TNFSF18: variants seen among roughly 807,000 people sequenced by gnomAD.
TNFSF18 encodes tumor necrosis factor ligand superfamily member 18.
In TNFSF18, 6 loss-of-function variants were observed where a neutral mutation model predicts 9.6. The observed-to-expected ratio is 0.63, with a 90% CI of 0.34 to 1.24. The LOEUF (loss-of-function observed/expected upper bound fraction) is 1.24, where lower values mean the gene tolerates loss of function less well. Ranked by LOEUF, TNFSF18 falls within the 50% of genes most tolerant of loss-of-function variation. TNFSF18 has a pLI of 0.03. For synonymous variants in TNFSF18, 68 were observed against 71.7 expected, an observed-to-expected ratio of 0.95 and a Z score of 0.26; for missense variants, 210 against 201.0, an observed-to-expected ratio of 1.04 and a Z score of -0.27.
At chr1:173,047,312 T>C (rs1190556744) in intron 1 of TNFSF18, among the ~76,000 whole-genome samples, 2 of 152,210 alleles carry the variant, frequency 1.3e-5, no homozygotes, top group East Asian at 1.9e-4. Context: ...TTTCCTCATC[T>C]ATAAAATGGG....
In TNFSF18 at chr1:173,050,767, G is replaced by A; in HGVS notation, c.130C>T (p.Leu44=). ...MLLFLCSFSW[L]IFIFLQLETA... ...TCTAATTGGAGAAAAATAAAGATTA[G>A]CCAACTGAAGGAGCAAAGAAATAGC... The change falls in exon 1 of 3, where the codon CTA becomes TTA. Residue 44 remains leucine, a synonymous_variant. Transcript: ENST00000404377. 6.2e-7 allele frequency: 1 copy of A among 1,610,066 alleles called. No individual in the cohort carries two copies. The highest frequency in any genetic ancestry group is 2.2e-5 in the East Asian group (1 of 44,790).
Position 173,040,673 on chromosome 1 carries a change from C to A in TNFSF18, c.*694G>T, listed in dbSNP as rs969826693. On this transcript the variant is annotated 3_prime_UTR_variant, in exon 3 of 3. Coordinates refer to ENST00000404377, the MANE Select transcript of TNFSF18 (RefSeq NM_005092.4). ...TTCTTTACAATTAGCAATGTTTAGA[C>A]ACACACACCAACAGTAAGGTCTCAC... is the stretch of plus-strand genomic sequence containing the variant. The A allele has an allele frequency of 2.0e-5, 3 of 152,240 alleles. No individual in the cohort carries two copies. Among genetic ancestry groups the A allele is most frequent in the Non-Finnish European group, 4.4e-5 (3 of 68,004 alleles). 9.4% of individuals were successfully genotyped at this position (152,240 alleles called of 1,614,324 possible). A position where few individuals can be genotyped will look rare whatever the true frequency, so the allele number is the denominator to read the frequency against.
chr1:173,041,939 G>A (rs1312390020), intron 2 of TNFSF18, among the ~76,000 whole-genome samples: 2 of 152,030 alleles, frequency 1.3e-5, no homozygotes, highest in African/African-American at 4.8e-5. Context: ...AGAATTCTAA[G>A]GAAAAGAATT....
chr1:173,041,737 A>G (rs749523672), intron 2 of TNFSF18, 24 bp from the exon 3 acceptor site: 1 of 1,526,188 alleles, frequency 6.6e-7, no homozygotes, highest in East Asian at 2.3e-5. Flanking sequence ...ACAAGGATAA[A>G]AAAGATGAAA....
intron 2 of TNFSF18, among the ~76,000 whole-genome samples, chr1:173,042,869 A>C (rs1402806251): frequency 6.6e-6 from 1 of 152,150 alleles, no homozygotes; most frequent in Non-Finnish European, 1.5e-5. Context: ...TGAATGACTA[A>C]TATAAGACTC....
rs1318940398 is a variant in TNFSF18 at position 173,039,323 on chromosome 1, C to T, written c.*2044G>A. On this transcript the variant is annotated 3_prime_UTR_variant, in exon 3 of 3. Coordinates refer to ENST00000404377, the MANE Select transcript of TNFSF18 (RefSeq NM_005092.4). ...AACATCAGGAAAATGTAAAGGTCAC[C>T]TGTTGGTAGTCATCCCTCTAGCTGC... Among the ~76,000 whole-genome samples, 3 of 152,170 alleles carry T rather than the reference C, an allele frequency of 2.0e-5. No homozygotes were observed. Among genetic ancestry groups the T allele is most frequent in the South Asian group, 4.1e-4 (2 of 4,838 alleles).
chr1:173,046,316 A>C lies in TNFSF18; in HGVS notation c.157-2347T>G, dbSNP rs539368711. Among the ~76,000 whole-genome samples the C allele has an allele frequency of 3.3e-5, 5 of 152,210 alleles. No individual in the cohort carries two copies. In the East Asian group the frequency reaches 9.7e-4, roughly 30 times the overall value. On this transcript the variant is annotated intron_variant, in intron 1 of 2. Transcript: ENST00000404377. ...GTTAAAGCTATAGATCTTGGAATTT[A>C]GTTGTGGAAGGAAGGAAAGAGAGGC... is the stretch of plus-strand genomic sequence containing the variant.
At chr1:173,048,928 TATC>T (rs1416767692) in intron 1 of TNFSF18, among the ~76,000 whole-genome samples, 1 of 152,206 alleles carries the variant, frequency 6.6e-6, no homozygotes, top group Non-Finnish European at 1.5e-5. Flanking sequence ...CAGAAGCTAA[TATC>T]ATGTATGGTT....
In TNFSF18 at chr1:173,045,636, G is replaced by T. The variant is rs1047302035; in HGVS notation, c.157-1667C>A. Among the ~76,000 whole-genome samples the T allele has an allele frequency of 1.6e-4, 14 of 87,970 alleles. No homozygotes were observed. In the South Asian group the frequency reaches 3.5e-3, roughly 22 times the overall value. The allele number at this position is 87,970 out of a possible 152,430, so 57.7% of individuals were successfully genotyped here. A position where few individuals can be genotyped will look rare whatever the true frequency, so the allele number is the denominator to read the frequency against. ...GGATGAGAGATCAAAGAGGTTTTTT[G>T]TTGTTGTTGTTGTTGTTGTTGTTGT... is the stretch of plus-strand genomic sequence containing the variant. On this transcript the variant is annotated intron_variant, in intron 1 of 2. Transcript: ENST00000404377.
At chr1:173,047,238 G>A (rs181873586) in intron 1 of TNFSF18, among the ~76,000 whole-genome samples, 24 of 152,240 alleles carry the variant, frequency 1.6e-4, no homozygotes, top group Admixed American at 2.0e-4. Context: ...TCCTGGAGGA[G>A]ATGTTGAAAT....
At chr1:173,046,587 G>T (rs1665088103) in intron 1 of TNFSF18, among the ~76,000 whole-genome samples, 1 of 152,032 alleles carries the variant, frequency 6.6e-6, no homozygotes, top group African/African-American at 2.4e-5. Context: ...ACTTATTTTA[G>T]TAATGTTTAT....
At chr1:173,050,448 G>A (rs1665153349) in intron 1 of TNFSF18, among the ~76,000 whole-genome samples, 1 of 151,638 alleles carries the variant, frequency 6.6e-6, no homozygotes, top group Admixed American at 6.6e-5. Flanking sequence ...AGCTATAGCA[G>A]AGGGAAGGAA....
At chr1:173,041,823 T>TACGA in intron 2 of TNFSF18, 110 bp from the exon 3 acceptor site, 1 of 835,034 alleles carries the variant, frequency 1.2e-6, no homozygotes, top group South Asian at 2.7e-5. Flanking sequence ...TTTCTTTACC[T>TACGA]GATCTACACT....
In TNFSF18 at chr1:173,039,765, CATATGTATGACACACTTT is replaced by C. The variant is rs1006767382; in HGVS notation, c.*1584_*1601del. Among the ~76,000 whole-genome samples, 1 of 150,870 alleles carries C rather than the reference CATATGTATGACACACTTT, an allele frequency of 6.6e-6. No individual in the cohort carries two copies. The highest frequency in any genetic ancestry group is 1.5e-5 in the Non-Finnish European group (1 of 67,680). Reference sequence around the variant, plus strand: ...ACACACACACACACACACACACACACATATGTATGACACACTTTAATTTCCTGAGAAGATATGCAAATG... The same window carrying C: ...ACACACACACACACACACACACACACAATTTCCTGAGAAGATATGCAAATG... On this transcript the variant is annotated 3_prime_UTR_variant, in exon 3 of 3. Coordinates refer to ENST00000404377, the MANE Select transcript of TNFSF18 (RefSeq NM_005092.4).
chr1:173,043,500 C>T (rs2101926517), intron 2 of TNFSF18, among the ~76,000 whole-genome samples: 1 of 152,256 alleles, frequency 6.6e-6, no homozygotes, highest in South Asian at 2.1e-4. Context: ...GGCCACTTTT[C>T]CAACTCTCAT....
intron 1 of TNFSF18, among the ~76,000 whole-genome samples, chr1:173,046,385 GATAAGAA>G (rs1665083721): frequency 6.6e-6 from 1 of 152,146 alleles, no homozygotes; most frequent in Admixed American, 6.5e-5. Flanking sequence ...GGTATGACAT[GATAAGAA>G]TATCCAAAGA....
At chr1:173,045,856 G>A (rs1041800481) in intron 1 of TNFSF18, among the ~76,000 whole-genome samples, 1 of 152,166 alleles carries the variant, frequency 6.6e-6, no homozygotes, top group African/African-American at 2.4e-5. Context: ...TATCCATAGT[G>A]ACAAGACAGA....
At chr1:173,049,745 G>A (rs1181662093) in intron 1 of TNFSF18, among the ~76,000 whole-genome samples, 1 of 152,136 alleles carries the variant, frequency 6.6e-6, no homozygotes, top group Non-Finnish European at 1.5e-5. Flanking sequence ...ATGGACATAT[G>A]CCACTTTATT....
At chr1:173,041,797 TAC>T (rs1664999206) in intron 2 of TNFSF18, 84 bp from the exon 3 acceptor site, 1 of 1,277,846 alleles carries the variant, frequency 7.8e-7, no homozygotes, top group Non-Finnish European at 1.1e-6. Context: ...GTTAATTATT[TAC>T]CACATACATG....
Sources: gnomAD v4.1 joint callset for allele counts (sites outside exome capture counted in the v4.1 genomes callset) on GRCh38, gnomAD v4.1.1 for gene constraint, MANE v1.5 for transcripts, NCBI Gene and HGNC (gene_info 2026-07-23, HGNC 2026-07-21) for gene names.